TAFA1: variants seen among roughly 807,000 people sequenced by gnomAD.
The protein encoded by TAFA1 is chemokine-like protein TAFA-1.
A neutral mutation model predicts 18.5 loss-of-function variants in TAFA1; 4 were observed. The observed-to-expected ratio is 0.22, with a 90% confidence interval of 0.11 to 0.49. TAFA1 has a LOEUF of 0.49. Ranked by LOEUF, TAFA1 falls within the 20% of genes least tolerant of loss-of-function variation. The pLI is 0.98. For missense variants in TAFA1, 147 were observed against 169.0 expected (o/e 0.87, Z 0.72); for synonymous variants, 56 against 55.2 (o/e 1.01, Z -0.06).
intron 2 of TAFA1, among the ~76,000 whole-genome samples, chr3:68,069,459 C>T (rs2064724453): frequency 6.6e-6 from 1 of 152,146 alleles, no homozygotes. Flanking sequence ...GTCCCTCCCA[C>T]AACACATGGG....
intron 3 of TAFA1, among the ~76,000 whole-genome samples, chr3:68,494,661 T>C (rs1355524959): frequency 1.3e-5 from 2 of 152,224 alleles, no homozygotes; most frequent in Non-Finnish European, 2.9e-5. Context: ...AATTAATTCC[T>C]AATGATACCT....
chr3:68,129,711 T>C (rs1407849432), intron 2 of TAFA1, among the ~76,000 whole-genome samples: 1 of 152,206 alleles, frequency 6.6e-6, no homozygotes, highest in Admixed American at 6.5e-5. Flanking sequence ...CAAAAGACCT[T>C]GTGAAAGATC....
chr3:68,363,459 A>G (rs574607002), intron 2 of TAFA1, among the ~76,000 whole-genome samples: 1 of 152,228 alleles, frequency 6.6e-6, no homozygotes, highest in Non-Finnish European at 1.5e-5. Context: ...GAAAACACCA[A>G]TGTTCAAAGA....
At chr3:68,083,099 C>T (rs1469643975) in intron 2 of TAFA1, among the ~76,000 whole-genome samples, 1 of 152,144 alleles carries the variant, frequency 6.6e-6, no homozygotes, top group African/African-American at 2.4e-5. Context: ...GCAGAGTACT[C>T]ACCAGCATAA....
chr3:68,267,706 G>T (rs2107218808), intron 2 of TAFA1, among the ~76,000 whole-genome samples: 2 of 152,120 alleles, frequency 1.3e-5, no homozygotes, highest in East Asian at 3.9e-4. Context: ...GGAATGAAAA[G>T]ATATAAGCCT....
intron 2 of TAFA1, among the ~76,000 whole-genome samples, chr3:68,281,414 G>GAGT (rs1329830679): frequency 6.6e-6 from 1 of 151,558 alleles, no homozygotes. Flanking sequence ...CAAGCTCTAG[G>GAGT]AGTAGTTATT....
chr3:68,331,117 TA>T (rs1208523277), intron 2 of TAFA1, among the ~76,000 whole-genome samples: 5 of 131,552 alleles, frequency 3.8e-5, no homozygotes, highest in African/African-American at 1.3e-4. Context: ...TTAAAAATAT[TA>T]AGTACTAGTA....
chr3:68,145,014 C>T lies in TAFA1; in HGVS notation c.118+138270C>T, dbSNP rs577391800. 8.4e-5 allele frequency: 133 copies of T among 1,583,196 alleles called. No homozygotes were observed. The South Asian group carries it at 1.2e-3, about 15-fold the overall frequency. ...AGACCGGCCGTGAAGATGCCAGTGG[C>T]GGTGATGGCAGAAAGCGCCTTTAGT... On this transcript the variant is annotated intron_variant, in intron 2 of 4. Transcript: ENST00000478136.
At chr3:68,007,866 A>G (rs181679334) in intron 2 of TAFA1, among the ~76,000 whole-genome samples, 1 of 152,128 alleles carries the variant, frequency 6.6e-6, no homozygotes, top group Non-Finnish European at 1.5e-5. Context: ...CCCTCCAGCA[A>G]TACCTTCCGG....
intron 3 of TAFA1, among the ~76,000 whole-genome samples, 166 bp from the exon 4 acceptor site, chr3:68,538,590 T>A (rs2073314092): frequency 6.6e-6 from 1 of 152,214 alleles, no homozygotes; most frequent in Non-Finnish European, 1.5e-5. Flanking sequence ...ATAAGGCATA[T>A]AAATTAAAAT....
At chr3:68,279,962 A>C (rs1480496950) in intron 2 of TAFA1, among the ~76,000 whole-genome samples, 1 of 152,170 alleles carries the variant, frequency 6.6e-6, no homozygotes, top group African/African-American at 2.4e-5. Context: ...GGAGTCTTGC[A>C]TAGTGTTCTT....
chr3:68,281,822 T>C (rs1185749499), intron 2 of TAFA1, among the ~76,000 whole-genome samples: 1 of 152,176 alleles, frequency 6.6e-6, no homozygotes, highest in Admixed American at 6.5e-5. Context: ...GCACCATTAT[T>C]CACTTTTTTG....
intron 2 of TAFA1, among the ~76,000 whole-genome samples, chr3:68,210,159 T>C (rs1290249970): frequency 1.3e-5 from 2 of 152,024 alleles, no homozygotes; most frequent in Non-Finnish European, 2.9e-5. Context: ...CCATTTGTTT[T>C]ACCTTAGAAG....
intron 2 of TAFA1, among the ~76,000 whole-genome samples, chr3:68,048,225 G>A (rs1320652986): frequency 1.3e-5 from 2 of 152,000 alleles, no homozygotes; most frequent in Non-Finnish European, 2.9e-5. Context: ...ATGTATTGGG[G>A]AAAATAGACA....
chr3:68,186,705 C>G (rs945082789), intron 2 of TAFA1, among the ~76,000 whole-genome samples: 1 of 152,040 alleles, frequency 6.6e-6, no homozygotes, highest in Admixed American at 6.6e-5. Context: ...CCTGCCTGGG[C>G]TTTCCTTCCT....
intron 2 of TAFA1, among the ~76,000 whole-genome samples, chr3:68,234,233 G>C (rs1326779937): frequency 6.6e-6 from 1 of 152,184 alleles, no homozygotes. Flanking sequence ...ACTGCATTTG[G>C]AATTGGCCTC....
intron 2 of TAFA1, among the ~76,000 whole-genome samples, chr3:68,046,156 T>G (rs957996328): frequency 6.6e-6 from 1 of 152,194 alleles, no homozygotes; most frequent in Non-Finnish European, 1.5e-5. Context: ...TGGAATATAG[T>G]GATTCTGGCG....
At chr3:68,263,955 A>G (rs1195318590) in intron 2 of TAFA1, among the ~76,000 whole-genome samples, 3 of 152,300 alleles carry the variant, frequency 2.0e-5, no homozygotes, top group South Asian at 2.1e-4. Flanking sequence ...TAACAGCTAT[A>G]TAGAATTTTA....
intron 3 of TAFA1, among the ~76,000 whole-genome samples, chr3:68,447,465 C>A (rs1309586444): frequency 6.6e-6 from 1 of 152,144 alleles, no homozygotes; most frequent in Non-Finnish European, 1.5e-5. Flanking sequence ...GCTCAGGATC[C>A]ACTCATTCCC....
Sources: gnomAD v4.1 joint callset for allele counts (sites outside exome capture counted in the v4.1 genomes callset) on GRCh38, gnomAD v4.1.1 for gene constraint, MANE v1.5 for transcripts, NCBI Gene and HGNC (gene_info 2026-07-23, HGNC 2026-07-21) for gene names.